CPS1: variants seen among roughly 807,000 people sequenced by gnomAD.
CPS1 encodes carbamoyl-phosphate synthase [ammonia], mitochondrial.
A neutral mutation model predicts 174.6 loss-of-function variants in CPS1; 109 were observed. That is an observed-to-expected ratio of 0.62 (90% confidence interval 0.53 to 0.73). CPS1 has a LOEUF of 0.73. Ranked by LOEUF, CPS1 falls within the 30% of genes least tolerant of loss-of-function variation. The pLI is 0.00. For synonymous variants in CPS1, 637 were observed against 632.0 expected, an observed-to-expected ratio of 1.01 and a Z score of -0.12; for missense variants, 1,689 against 1,821.9, an observed-to-expected ratio of 0.93 and a Z score of 1.33.
At chr2:210,662,356 A>C (rs781075132) in intron 32 of CPS1, among the ~76,000 whole-genome samples, 6 of 152,230 alleles carry the variant, frequency 3.9e-5, no homozygotes, top group Non-Finnish European at 7.3e-5. Flanking sequence ...AGGGAAGCTG[A>C]AATGCAGAAA....
In CPS1 at chr2:210,534,823, T is replaced by C. The variant is rs776179185; in HGVS notation, c.4-21896T>C. Among the ~76,000 whole-genome samples the C allele has an allele frequency of 3.3e-5, 5 of 152,222 alleles. No homozygotes were observed. The East Asian group carries it at 9.6e-4, about 29-fold the overall frequency. On this transcript the variant is annotated intron_variant, in intron 1 of 38. Coordinates refer to the CPS1 transcript ENST00000430249. ...CTCTTCCTGGTCCCTTCTTTGATTA[T>C]CCTTATAGATGATCTAAGTTACTGG...
At chr2:210,607,085 G>A in intron 18 of CPS1, 144 bp downstream of exon 18, 1 of 719,346 alleles carries the variant, frequency 1.4e-6, no homozygotes, top group Non-Finnish European at 2.3e-6. Flanking sequence ...ATAGCACCCT[G>A]AGGACATGAT....
At chr2:210,628,047 A>G (rs1699746434) in intron 21 of CPS1, among the ~76,000 whole-genome samples, 1 of 152,180 alleles carries the variant, frequency 6.6e-6, no homozygotes, top group African/African-American at 2.4e-5. Flanking sequence ...GTATTTGCCT[A>G]TCTAAGGTTG....
At chr2:210,490,355 T>C (rs1447977087) in intron 1 of CPS1, among the ~76,000 whole-genome samples, 2 of 152,158 alleles carry the variant, frequency 1.3e-5, no homozygotes, top group Non-Finnish European at 2.9e-5. Context: ...CATGGGAAGA[T>C]TTTCTATGTA....
intron 21 of CPS1, among the ~76,000 whole-genome samples, chr2:210,622,526 G>T (rs974802531): frequency 2.6e-5 from 4 of 151,706 alleles, no homozygotes; most frequent in African/African-American, 9.7e-5. Context: ...CAATAAAGGG[G>T]TGATAGTCCT....
At chr2:210,644,198 GT>G (rs1220500340) in intron 25 of CPS1, among the ~76,000 whole-genome samples, 4 of 151,978 alleles carry the variant, frequency 2.6e-5, no homozygotes, top group African/African-American at 9.7e-5. Context: ...AAAGAAAGAA[GT>G]TGGCCCTTCT....
At chr2:210,677,808 CT>C in intron 37 of CPS1, 78 bp from the exon 38 acceptor site, 1 of 1,146,778 alleles carries the variant, frequency 8.7e-7, no homozygotes, top group Non-Finnish European at 1.3e-6. Context: ...GGGACAGACA[CT>C]TGTGACTTTT....
At position 210,611,988 on chromosome 2, in the gene CPS1, T is replaced by G. The variant is rs149821027; in HGVS notation, c.2392-129T>G. ...AGGAACACCTTTTTTTTTTTTTAAT[T>G]TGAGAGGCTTTATGATATATTTTTT... On this transcript the variant is annotated intron_variant, in intron 19 of 37. Transcript: ENST00000233072. The G allele has an allele frequency of 7.1e-4, 572 of 808,160 alleles. 5 individuals carry two copies. The African/African-American group carries it at 8.3e-3, about 12-fold the overall frequency. 50.1% of individuals were successfully genotyped at this position (808,160 alleles called of 1,614,324 possible).
At chr2:210,626,279 T>C (rs1020420095) in intron 21 of CPS1, among the ~76,000 whole-genome samples, 1 of 152,112 alleles carries the variant, frequency 6.6e-6, no homozygotes, top group Non-Finnish European at 1.5e-5. Flanking sequence ...ACAATATTTG[T>C]ATGATAATAT....
intron 24 of CPS1, among the ~76,000 whole-genome samples, chr2:210,640,946 C>T (rs1700204020): frequency 6.6e-6 from 1 of 152,122 alleles, no homozygotes; most frequent in East Asian, 1.9e-4. Flanking sequence ...TCTCACAGTT[C>T]TAGGGGCTGG....
intron 1 of CPS1, among the ~76,000 whole-genome samples, chr2:210,512,152 A>G (rs1695511324): frequency 6.6e-6 from 1 of 152,192 alleles, no homozygotes; most frequent in East Asian, 1.9e-4. Context: ...CGAAACATGG[A>G]TGGTGACTTT....
chr2:210,489,228 A>G (rs745889038), intron 1 of CPS1, among the ~76,000 whole-genome samples: 1 of 152,210 alleles, frequency 6.6e-6, no homozygotes. Flanking sequence ...TGCAGAATTT[A>G]AAGAGAAAAG....
chr2:210,655,294 A>G (rs1420414748), intron 29 of CPS1, among the ~76,000 whole-genome samples: 2 of 152,188 alleles, frequency 1.3e-5, no homozygotes. Context: ...ACTTTTTCAA[A>G]TACTGTACTG....
At chr2:210,641,751 A>G (rs966728059) in intron 24 of CPS1, among the ~76,000 whole-genome samples, 3 of 152,372 alleles carry the variant, frequency 2.0e-5, no homozygotes, top group East Asian at 1.9e-4. Context: ...GATAGTTGCC[A>G]TTAATATGCC....
intron 34 of CPS1, among the ~76,000 whole-genome samples, chr2:210,668,993 T>C (rs1278109827): frequency 2.0e-5 from 3 of 152,154 alleles, no homozygotes; most frequent in African/African-American, 4.8e-5. Context: ...ACACTCCAGA[T>C]TGAAAGTTTT....
chr2:210,571,583 C>T (rs1180211826), intron 1 of CPS1, among the ~76,000 whole-genome samples: 1 of 151,870 alleles, frequency 6.6e-6, no homozygotes, highest in Non-Finnish European at 1.5e-5. Flanking sequence ...TACACACTCA[C>T]ACATAAACAA....
chr2:210,557,472 C>T (rs1376316343), intron 1 of CPS1, among the ~76,000 whole-genome samples: 2 of 151,876 alleles, frequency 1.3e-5, no homozygotes, highest in Non-Finnish European at 2.9e-5. Flanking sequence ...ATAATTCTGT[C>T]CCTCCACAGG....
chr2:210,596,508 G>T (rs1250745677), intron 13 of CPS1, among the ~76,000 whole-genome samples: 1 of 151,874 alleles, frequency 6.6e-6, no homozygotes, highest in African/African-American at 2.4e-5. Flanking sequence ...CACCTGATGG[G>T]CGTCTGTTGA....
rs535814354 is a variant in CPS1, at chr2:210,614,295, A to G, written c.2568+2002A>G. ...ATGGATTTTTTTTTTTATCCAGTCT[A>G]TCATTGATGGGCGTTTGGGTTGGTT... is the stretch of plus-strand genomic sequence containing the variant. On this transcript the variant is annotated intron_variant, in intron 20 of 37. Transcript: ENST00000233072. Among the ~76,000 whole-genome samples, 453 of 151,804 alleles carry G rather than the reference A, an allele frequency of 3.0e-3. 5 individuals are homozygous for G. The highest frequency in any genetic ancestry group is 0.01 in the African/African-American group (430 of 41,426).
Sources: allele counts gnomAD v4.1 joint callset (sites outside exome capture counted in the v4.1 genomes callset), GRCh38; gene constraint gnomAD v4.1.1; transcripts MANE v1.5; gene names NCBI Gene and HGNC (gene_info 2026-07-23, HGNC 2026-07-21).